Variants in BCL11A observed in about 807,000 individuals in gnomAD.
BCL11A encodes B cell CLL/lymphoma 11A.
In BCL11A, 2 loss-of-function variants were observed where a neutral mutation model predicts 55.9. That is an observed-to-expected ratio of 0.04 (90% confidence interval 0.01 to 0.11). BCL11A has a LOEUF of 0.11. Among genes scored for constraint, BCL11A ranks in the 10% least tolerant of loss-of-function variants. BCL11A has a pLI of 1.00. For missense variants in BCL11A, 817 were observed against 1,137.1 expected, an observed-to-expected ratio of 0.72 and a Z score of 4.05; for synonymous variants, 465 against 473.4, an observed-to-expected ratio of 0.98 and a Z score of 0.23.
At chr2:60,504,974 C>T (rs1251424131) in intron 2 of BCL11A, among the ~76,000 whole-genome samples, 1 of 152,106 alleles carries the variant, frequency 6.6e-6, no homozygotes, top group Non-Finnish European at 1.5e-5. Context: ...GTGGGGTGGA[C>T]CCAGAAGTAT....
chr2:60,450,690 G>T (rs1222950361), downstream of BCL11A: 1 of 152,268 alleles, frequency 6.6e-6, no homozygotes, highest in African/African-American at 2.4e-5. Context: ...TTGTCTGGAA[G>T]TCCCAACTAA....
chr2:60,505,402 C>A (rs1381539145), intron 2 of BCL11A, among the ~76,000 whole-genome samples: 1 of 152,216 alleles, frequency 6.6e-6, no homozygotes, highest in Non-Finnish European at 1.5e-5. Flanking sequence ...TGTGTTGGAG[C>A]AGCTGTCAGC....
Position 60,545,976 on chromosome 2 carries a change from A to T in BCL11A, c.380T>A (p.Ile127Lys). ...SRGICPKQEH[I>K]ADKLLHWRGL... Reference sequence around the variant, plus strand: ...TCTCCTTGCTTCTCATTTACCTGCTATGTGTTCCTGTTTGGGGCAAATTCC... The same window carrying T: ...TCTCCTTGCTTCTCATTTACCTGCTTTGTGTTCCTGTTTGGGGCAAATTCC... Residue 127 changes from isoleucine (I) to lysine (K), a missense_variant, in exon 2 of 4, where the codon ATA becomes AAA. Ile to Lys is a moderately radical substitution (Grantham distance 102, BLOSUM62 -3). Transcript: ENST00000642384. 2 of 1,612,860 alleles carry T rather than the reference A, an allele frequency of 1.2e-6. No homozygotes were observed. Among genetic ancestry groups the T allele is most frequent in the Non-Finnish European group, 1.7e-6 (2 of 1,179,030 alleles).
intron 2 of BCL11A, chr2:60,538,119 A>C (rs535294187): frequency 6.6e-6 from 1 of 152,346 alleles, no homozygotes; most frequent in Admixed American, 6.5e-5. Flanking sequence ...CTATCTGGAA[A>C]AGGGTGTGCA....
At chr2:60,541,631 C>A (rs1345650231) in intron 2 of BCL11A, among the ~76,000 whole-genome samples, 1 of 152,194 alleles carries the variant, frequency 6.6e-6, no homozygotes, top group African/African-American at 2.4e-5. Context: ...AGTGGCCTCA[C>A]AAACATAGGC....
At chr2:60,537,429 T>A (rs1159762651) in intron 2 of BCL11A, 1 of 152,206 alleles carries the variant, frequency 6.6e-6, no homozygotes, top group Non-Finnish European at 1.5e-5. Flanking sequence ...ACTGAGGGGT[T>A]CCCCCCTAAA....
At chr2:60,497,388 G>C (rs1398258323) in intron 2 of BCL11A, among the ~76,000 whole-genome samples, 1 of 152,158 alleles carries the variant, frequency 6.6e-6, no homozygotes, top group Admixed American at 6.5e-5. Context: ...TATATGAACT[G>C]TCTTTAAGTT....
downstream of BCL11A, chr2:60,452,659 T>G: frequency 6.2e-7 from 1 of 1,613,182 alleles, no homozygotes; most frequent in East Asian, 2.2e-5. Context: ...TGGGGGTGTG[T>G]GAAGAACCTA....
chr2:60,503,820 T>G (rs1044540208), intron 2 of BCL11A, among the ~76,000 whole-genome samples: 12 of 152,244 alleles, frequency 7.9e-5, no homozygotes, highest in African/African-American at 2.9e-4. Flanking sequence ...GGATCTTTTG[T>G]CAGAGCTTTA....
At chr2:60,455,810 C>T (rs114012663), downstream of BCL11A, among the ~76,000 whole-genome samples, 1,223 of 152,178 alleles carry the variant, frequency 8.0e-3, 10 homozygotes, top group African/African-American at 0.028. Context: ...AGGGTGGAGT[C>T]GAAGTCACCA....
At chr2:60,539,031 G>A (rs1669800992) in intron 2 of BCL11A, among the ~76,000 whole-genome samples, 1 of 152,180 alleles carries the variant, frequency 6.6e-6, no homozygotes. Flanking sequence ...AGAAGAAAAG[G>A]ATGATGTTTT....
chr2:60,452,773 C>A, downstream of BCL11A: 1 of 866,014 alleles, frequency 1.2e-6, no homozygotes, highest in Non-Finnish European at 1.8e-6. Flanking sequence ...AGAACTTAAA[C>A]CAACCACAGG....
At chr2:60,454,412 C>G (rs1675854240), downstream of BCL11A, among the ~76,000 whole-genome samples, 1 of 152,132 alleles carries the variant, frequency 6.6e-6, no homozygotes, top group South Asian at 2.1e-4. Context: ...CTCTGCCAAT[C>G]CCATCCTCAT....
chr2:60,543,928 T>C (rs1430734952), intron 2 of BCL11A: 1 of 152,216 alleles, frequency 6.6e-6, no homozygotes, highest in Non-Finnish European at 1.5e-5. Context: ...ATTATACTTG[T>C]TCTTTAAAAA....
At chr2:60,485,468 A>G (rs1572992200) in intron 2 of BCL11A, among the ~76,000 whole-genome samples, 3 of 152,376 alleles carry the variant, frequency 2.0e-5, no homozygotes, top group East Asian at 3.9e-4. Flanking sequence ...TAACTGCAAA[A>G]ACAGAACGGT....
At chr2:60,453,505 A>G (rs1004087016), downstream of BCL11A, among the ~76,000 whole-genome samples, 5 of 152,096 alleles carry the variant, frequency 3.3e-5, no homozygotes, top group Non-Finnish European at 7.4e-5. Context: ...CGGGGTCTGG[A>G]TCTCAGCTGC....
intron 1 of BCL11A, among the ~76,000 whole-genome samples, chr2:60,548,334 T>TC (rs1474630269): frequency 6.6e-6 from 1 of 151,470 alleles, no homozygotes; most frequent in Non-Finnish European, 1.5e-5. Flanking sequence ...AAGATTCTTT[T>TC]TTTTTTTTTT....
rs376170569 is a variant in BCL11A, at chr2:60,546,088, T to C, written c.268A>G (p.Ile90Val). 2.2e-5 allele frequency: 35 copies of C among 1,614,062 alleles called. No homozygotes were observed. The African/African-American group carries it at 2.3e-4, about 10-fold the overall frequency. The change falls in exon 2 of 4, where the codon ATC (isoleucine) becomes GTC (valine). Residue 90 changes from isoleucine to valine, a missense_variant. By Grantham distance (29) the Ile-to-Val change is conservative. This residue lies in a region of BCL11A where 363 missense variants were observed against 486.6 expected (regional missense o/e 0.75). Transcript: ENST00000642384. This position sits in a 1 kb window ranked among gnomAD's most constrained non-coding sequence, Gnocchi z 4.1. ...AVDKPPSPSP[I>V]EMKKASNPVE... ...GGATTGGATGCTTTTTTCATCTCGA[T>C]TGGTGAAGGGGAAGGTGGCTTATCC... is the stretch of plus-strand genomic sequence containing the variant.
At chr2:60,489,978 G>A (rs1678529900) in intron 2 of BCL11A, among the ~76,000 whole-genome samples, 1 of 152,154 alleles carries the variant, frequency 6.6e-6, no homozygotes, top group South Asian at 2.1e-4. Flanking sequence ...AGAGGGACAA[G>A]GGACCAATAC....
Sources: gnomAD v4.1 joint callset for allele counts (sites outside exome capture counted in the v4.1 genomes callset) on GRCh38, gnomAD v4.1.1 for gene constraint, gnomAD v4.1.1 regional missense constraint, Gnocchi (gnomAD v3.1) non-coding constraint, MANE v1.5 for transcripts, NCBI Gene and HGNC (gene_info 2026-07-23, HGNC 2026-07-21) for gene names.